Variants in BTBD9 observed in about 807,000 individuals in gnomAD.
BTBD9 encodes the protein BTB/POZ domain-containing protein 9.
Under a neutral mutation model 64.3 loss-of-function variants are expected in BTBD9, and 49 were observed. The ratio of observed to expected loss-of-function variants is 0.76; its 90% CI spans 0.61 to 0.97. The LOEUF (loss-of-function observed/expected upper bound fraction) is 0.97. Ranked by LOEUF, BTBD9 falls within the 50% of genes least tolerant of loss-of-function variation. The pLI is 0.00. For synonymous variants in BTBD9, 260 were observed against 274.7 expected (o/e 0.95, Z 0.53); for missense variants, 598 against 762.1 (o/e 0.78, Z 2.53).
chr6:38,292,885 T>G (rs1457606953), intron 7 of BTBD9, among the ~76,000 whole-genome samples: 1 of 152,162 alleles, frequency 6.6e-6, no homozygotes, highest in African/African-American at 2.4e-5. Flanking sequence ...TGCTCTTGCT[T>G]CTCTAGTTCT....
At chr6:38,634,271 C>T (rs1053365594) in intron 1 of BTBD9, among the ~76,000 whole-genome samples, 5 of 152,218 alleles carry the variant, frequency 3.3e-5, no homozygotes, top group Non-Finnish European at 5.9e-5. Context: ...CTAGGACTAA[C>T]ATGTGTGCTA....
intron 8 of BTBD9, 49 bp from the exon 9 acceptor site, chr6:38,256,565 G>A: frequency 7.3e-7 from 1 of 1,366,964 alleles, no homozygotes. Flanking sequence ...TTAACTGGTT[G>A]TTTCTTTAGG....
intron 6 of BTBD9, among the ~76,000 whole-genome samples, chr6:38,400,890 C>T (rs1490429146): frequency 6.6e-6 from 1 of 152,176 alleles, no homozygotes; most frequent in East Asian, 1.9e-4. Flanking sequence ...ATGAGATAAA[C>T]ATCTCCTATT....
At chr6:38,192,726 C>T in intron 9 of BTBD9, 129 bp from the exon 10 acceptor site, 1 of 767,330 alleles carries the variant, frequency 1.3e-6, no homozygotes, top group Non-Finnish European at 2.2e-6. Flanking sequence ...ATAGGAGGGG[C>T]AGGCAGCTGG....
At chr6:38,321,947 A>G (rs553875104) in intron 7 of BTBD9, among the ~76,000 whole-genome samples, 39 of 151,870 alleles carry the variant, frequency 2.6e-4, no homozygotes, top group African/African-American at 9.2e-4. Context: ...CTGGGTGCAA[A>G]CTTACACTGC....
intron 6 of BTBD9, among the ~76,000 whole-genome samples, chr6:38,400,852 C>T (rs1477315603): frequency 6.6e-6 from 1 of 152,152 alleles, no homozygotes; most frequent in African/African-American, 2.4e-5. Flanking sequence ...CTCATGTGTA[C>T]TATTTATTTA....
At chr6:38,289,346 C>A (rs1761871798) in intron 7 of BTBD9, among the ~76,000 whole-genome samples, 1 of 152,064 alleles carries the variant, frequency 6.6e-6, no homozygotes, top group Non-Finnish European at 1.5e-5. Flanking sequence ...TGTCCTCCAG[C>A]CTTAATAACA....
chr6:38,437,079 A>T (rs1457820471), intron 6 of BTBD9, among the ~76,000 whole-genome samples: 2 of 152,248 alleles, frequency 1.3e-5, no homozygotes, highest in African/African-American at 4.8e-5. Flanking sequence ...ATGCATATTA[A>T]GCATCTAATT....
intron 1 of BTBD9, among the ~76,000 whole-genome samples, chr6:38,612,472 A>C (rs1777643276): frequency 6.6e-6 from 1 of 152,066 alleles, no homozygotes; most frequent in Non-Finnish European, 1.5e-5. Context: ...TTCTCCAAAC[A>C]CTCCCTTCGC....
At chr6:38,410,435 T>C (rs1293413721) in intron 6 of BTBD9, among the ~76,000 whole-genome samples, 1 of 151,926 alleles carries the variant, frequency 6.6e-6, no homozygotes, top group Non-Finnish European at 1.5e-5. Context: ...ACCACACTAC[T>C]GCACTCAAGC....
At chr6:38,521,866 G>GGT (rs1370764880) in intron 6 of BTBD9, among the ~76,000 whole-genome samples, 4 of 152,074 alleles carry the variant, frequency 2.6e-5, no homozygotes, top group African/African-American at 9.7e-5. Flanking sequence ...GTAGAGACCA[G>GGT]GTTTCACCAT....
intron 6 of BTBD9, among the ~76,000 whole-genome samples, chr6:38,380,163 T>C (rs922104257): frequency 3.3e-5 from 5 of 152,152 alleles, no homozygotes; most frequent in African/African-American, 1.2e-4. Context: ...TGTAAACATA[T>C]ATGAAATGAA....
chr6:38,552,659 C>G (rs975015136), intron 6 of BTBD9, among the ~76,000 whole-genome samples: 2 of 150,624 alleles, frequency 1.3e-5, no homozygotes, highest in Middle Eastern at 3.4e-3. Context: ...CCTAGCTACT[C>G]GGGAGGCTGA....
intron 10 of BTBD9, among the ~76,000 whole-genome samples, chr6:38,180,864 G>A (rs550172010): frequency 1.2e-4 from 18 of 152,342 alleles, no homozygotes; most frequent in African/African-American, 4.3e-4. Flanking sequence ...GTGGTCGTGT[G>A]TATGAATCCG....
intron 6 of BTBD9, among the ~76,000 whole-genome samples, chr6:38,430,752 T>A (rs939520311): frequency 3.9e-5 from 6 of 151,976 alleles, no homozygotes; most frequent in African/African-American, 1.5e-4. Flanking sequence ...TGGACTCAAG[T>A]GATCCTCCAG....
chr6:38,242,326 G>A (rs1764019808), intron 9 of BTBD9, among the ~76,000 whole-genome samples: 1 of 152,136 alleles, frequency 6.6e-6, no homozygotes, highest in African/African-American at 2.4e-5. Flanking sequence ...TATACTTACA[G>A]TACTTACATA....
At chr6:38,442,284 G>A (rs921371766) in intron 6 of BTBD9, among the ~76,000 whole-genome samples, 3 of 151,854 alleles carry the variant, frequency 2.0e-5, no homozygotes, top group Non-Finnish European at 4.4e-5. Context: ...TCAGGAGTTC[G>A]ACACCAGCCT....
At chr6:38,627,069 T>C (rs1029324844) in intron 1 of BTBD9, among the ~76,000 whole-genome samples, 1 of 152,204 alleles carries the variant, frequency 6.6e-6, no homozygotes, top group African/African-American at 2.4e-5. Flanking sequence ...CAATGAAAAC[T>C]ATGCAAATGC....
intron 1 of BTBD9, among the ~76,000 whole-genome samples, chr6:38,602,679 C>T (rs543175582): frequency 3.3e-5 from 5 of 151,494 alleles, no homozygotes; most frequent in African/African-American, 1.2e-4. Context: ...CACAAAATTA[C>T]AAAATAAATT....
Sources: gnomAD v4.1 joint callset for allele counts (sites outside exome capture counted in the v4.1 genomes callset) on GRCh38, gnomAD v4.1.1 for gene constraint, MANE v1.5 for transcripts, NCBI Gene and HGNC (gene_info 2026-07-23, HGNC 2026-07-21) for gene names.